The following SLC12A5 variants were observed in gnomAD, a reference collection of about 807,000 sequenced individuals.
SLC12A5 encodes the protein solute carrier family 12 member 5, also known as K-Cl cotransporter 2.
SLC12A5 carries 18 observed loss-of-function variants against 124.0 expected under a neutral mutation model. The observed-to-expected ratio is 0.15, with a 90% CI of 0.10 to 0.22. The LOEUF (loss-of-function observed/expected upper bound fraction) is 0.22. Ranked by LOEUF, SLC12A5 falls within the 10% of genes least tolerant of loss-of-function variation. The probability of loss-of-function intolerance (pLI) is 1.00; values close to 1 mark genes in which losing one functional copy is unlikely to be tolerated. For missense variants in SLC12A5, 867 were observed against 1,478.7 expected (o/e 0.59, Z 6.78); for synonymous variants, 589 against 568.0 (o/e 1.04, Z -0.53).
At chr20:46,036,963 G>T (rs1199393512) in intron 5 of SLC12A5, among the ~76,000 whole-genome samples, 168 bp downstream of exon 5, 3 of 151,880 alleles carry the variant, frequency 2.0e-5, no homozygotes, top group African/African-American at 4.8e-5. Context: ...GCAGCTCTCG[G>T]TGTTGAATAG....
At position 46,057,002 on chromosome 20, in the gene SLC12A5, C is replaced by T. The variant is rs1488450965; in HGVS notation, c.3125+91C>T. ...TGTTGTGAACCCCTAATTGGTGCCA[C>T]GACCTCTGGGATCTCTGAATAGCCT... On this transcript the variant is annotated intron_variant, in intron 24 of 25. Transcript: ENST00000243964. The surrounding 1 kb of genome is among the most constrained non-coding windows in gnomAD (Gnocchi z 7.1). 9 of 1,597,874 alleles carry T rather than the reference C, an allele frequency of 5.6e-6. No homozygotes were observed. Among genetic ancestry groups the T allele is most frequent in the East Asian group, 2.2e-5 (1 of 44,808 alleles).
chr20:46,046,502 C>A, intron 14 of SLC12A5, 66 bp downstream of exon 14: 2 of 1,388,440 alleles, frequency 1.4e-6, no homozygotes, highest in East Asian at 2.3e-5. Context: ...CCTCATCTTA[C>A]TCCAGTCCAT....
upstream of SLC12A5, chr20:46,029,134 G>T: frequency 7.2e-7 from 1 of 1,392,766 alleles, no homozygotes; most frequent in South Asian, 1.7e-5. Context: ...GATGAGGTGA[G>T]CAGCGCCGCT....
chr20:46,034,122 A>G (rs2084476776), intron 1 of SLC12A5, among the ~76,000 whole-genome samples: 1 of 151,984 alleles, frequency 6.6e-6, no homozygotes, highest in East Asian at 1.9e-4. Context: ...ATCATACTTC[A>G]TTCCTCTAAC....
chr20:46,035,665 G>A (rs2084491647), intron 3 of SLC12A5, 112 bp from the exon 4 acceptor site: 2 of 1,510,632 alleles, frequency 1.3e-6, no homozygotes, highest in Non-Finnish European at 1.8e-6. Context: ...GGGATGAAGG[G>A]TTGAGAATAG....
chr20:46,022,099 T>G (rs1307029999), intron 1 of SLC12A5: 50 of 143,570 alleles, frequency 3.5e-4, no homozygotes, highest in South Asian at 1.5e-3. Flanking sequence ...AAACGCGAGG[T>G]GGGCGTGGCC....
chr20:46,026,215 T>G (rs73112805), upstream of SLC12A5, among the ~76,000 whole-genome samples: 6,052 of 152,316 alleles, frequency 0.04, 165 homozygotes, highest in Middle Eastern at 0.085. Context: ...TTCTCTGAGC[T>G]TTTTTCTCTC....
upstream of SLC12A5, among the ~76,000 whole-genome samples, chr20:46,028,834 G>A (rs1185742239): frequency 6.6e-6 from 1 of 152,156 alleles, no homozygotes; most frequent in Non-Finnish European, 1.5e-5. Flanking sequence ...CCGCTGCGGG[G>A]CCGCCTCCCC....
At chr20:46,022,872 C>A in intron 1 of SLC12A5, 1 of 397,144 alleles carries the variant, frequency 2.5e-6, no homozygotes, top group South Asian at 1.3e-4. Flanking sequence ...CATCAGGGGT[C>A]CTCTCCCTGG....
At chr20:46,047,937 C>A in intron 15 of SLC12A5, 44 bp from the exon 16 acceptor site, 5 of 1,545,230 alleles carry the variant, frequency 3.2e-6, no homozygotes, top group Non-Finnish European at 4.4e-6. Context: ...TCCCTGCCCC[C>A]TCCTGGCTTT....
upstream of SLC12A5, among the ~76,000 whole-genome samples, chr20:46,026,789 C>A (rs911682171): frequency 6.6e-6 from 1 of 152,174 alleles, no homozygotes; most frequent in Non-Finnish European, 1.5e-5. Context: ...GAACCACTAT[C>A]TCCTGAATCT....
upstream of SLC12A5, chr20:46,029,093 C>T: frequency 1.5e-6 from 2 of 1,320,526 alleles, no homozygotes; most frequent in South Asian, 4.2e-5. Flanking sequence ...CCCCCAAAAC[C>T]CCGCCAGTGG....
At chr20:46,054,672 G>A (rs577534342) in intron 20 of SLC12A5, among the ~76,000 whole-genome samples, 3 of 152,246 alleles carry the variant, frequency 2.0e-5, no homozygotes, top group South Asian at 4.2e-4. Context: ...CCATTCATAT[G>A]CCTGGTCCTG....
In SLC12A5 at chr20:46,059,731, T is replaced by C. The variant is rs2084736326; in HGVS notation, c.*2126T>C. On this transcript the variant is annotated 3_prime_UTR_variant, in exon 26 of 26. Transcript: ENST00000243964. ...CAAGTCATTCATCAAGTTATCTTTA[T>C]AATCACTGTAGTTAGATGTTTCATG... The C allele has an allele frequency of 2.5e-6, 1 of 398,766 alleles. No homozygotes were observed. Among genetic ancestry groups the C allele is most frequent in the Non-Finnish European group, 4.4e-6 (1 of 225,994 alleles). The allele number at this position is 398,766 out of a possible 1,614,324, so 24.7% of individuals were successfully genotyped here. A position where few individuals can be genotyped will look rare whatever the true frequency, so the allele number is the denominator to read the frequency against.
chr20:46,034,405 C>CACTCAGG (rs1013016135), intron 1 of SLC12A5, among the ~76,000 whole-genome samples: 2 of 152,240 alleles, frequency 1.3e-5, no homozygotes, highest in African/African-American at 4.8e-5. Context: ...ACTTGGGTTG[C>CACTCAGG]TTTCCTGAGA....
chr20:46,043,836 G>A (rs2084570135), intron 10 of SLC12A5, 40 bp from the exon 11 acceptor site: 1 of 1,613,630 alleles, frequency 6.2e-7, no homozygotes, highest in East Asian at 2.2e-5. Context: ...GGGAGGGGGA[G>A]GACTGAACCG....
In SLC12A5 at chr20:46,056,056, C is replaced by A. The variant is rs879636100; in HGVS notation, c.2788-94C>A. On this transcript the variant is annotated intron_variant, in intron 21 of 25. Transcript: ENST00000243964. The surrounding 1 kb of genome is among the most constrained non-coding windows in gnomAD (Gnocchi z 4.3). ...ACAACTGGTACAGTTCCAGAAAGTGCATCCTGGCTGAACATCATCTCTGGT... is the reference window on the plus strand; with the variant it reads ...ACAACTGGTACAGTTCCAGAAAGTGAATCCTGGCTGAACATCATCTCTGGT... 1.1e-5 allele frequency: 17 copies of A among 1,534,126 alleles called. No individual in the cohort carries two copies. Among genetic ancestry groups the A allele is most frequent in the Non-Finnish European group, 1.5e-5 (17 of 1,130,576 alleles).
Position 46,044,914 on chromosome 20 carries a change from G to A in SLC12A5, c.1395-52G>A, listed in dbSNP as rs2084580141. 76 of 1,610,478 alleles carry A rather than the reference G, an allele frequency of 4.7e-5. No homozygotes were observed. The South Asian group carries it at 7.8e-4, about 17-fold the overall frequency. On this transcript the variant is annotated intron_variant, in intron 11 of 25. Coordinates refer to ENST00000243964, the MANE Select transcript of SLC12A5 (RefSeq NM_020708.5). ...TGTAGTTGGTATGGAGACCTGCCCT[G>A]GAAATCCAGGCAGCACTGCTCACCT...
downstream of SLC12A5, among the ~76,000 whole-genome samples, chr20:46,024,147 G>C (rs1302971951): frequency 7.2e-6 from 1 of 139,308 alleles, no homozygotes; most frequent in Admixed American, 6.9e-5. Context: ...GAGGCTGTGT[G>C]TGTGTGTGTG....
Sources: allele counts gnomAD v4.1 joint callset (sites outside exome capture counted in the v4.1 genomes callset), GRCh38; gene constraint gnomAD v4.1.1; non-coding constraint Gnocchi (gnomAD v3.1); transcripts MANE v1.5; gene names NCBI Gene and HGNC (gene_info 2026-07-23, HGNC 2026-07-21).